The following PECR variants were observed in gnomAD, a reference collection of about 807,000 sequenced individuals.
PECR encodes the protein 2,4-dienoyl-CoA reductase-related protein.
Under a neutral mutation model 35.3 loss-of-function variants are expected in PECR, and 30 were observed. The ratio of observed to expected loss-of-function variants is 0.85; its 90% CI spans 0.64 to 1.15. The LOEUF is 1.15. Among genes scored for constraint, PECR ranks in the 50% most tolerant of loss-of-function variants. PECR has a pLI of 0.00. For synonymous variants in PECR, 148 were observed against 138.9 expected, an observed-to-expected ratio of 1.07 and a Z score of -0.46; for missense variants, 392 against 370.8, an observed-to-expected ratio of 1.06 and a Z score of -0.47.
At chr2:216,031,335 A>G (rs1559203722) in intron 7 of PECR, among the ~76,000 whole-genome samples, 1 of 152,060 alleles carries the variant, frequency 6.6e-6, no homozygotes, top group East Asian at 1.9e-4. Context: ...TCAAGCCAAG[A>G]GGCAGAGGTT....
At chr2:216,058,603 G>T (rs1228989158) in intron 4 of PECR, among the ~76,000 whole-genome samples, 1 of 151,986 alleles carries the variant, frequency 6.6e-6, no homozygotes, top group East Asian at 1.9e-4. Flanking sequence ...TAGTCACATC[G>T]GGATTAGAGT....
intron 1 of PECR, among the ~76,000 whole-genome samples, chr2:216,069,802 G>C (rs1025793877): frequency 6.6e-6 from 1 of 151,964 alleles, no homozygotes; most frequent in Non-Finnish European, 1.5e-5. Flanking sequence ...CAGGTGTGGT[G>C]GTGGGCGCCT....
Position 216,051,483 on chromosome 2 carries a change from G to A in PECR, c.569C>T (p.Ala190Val). Residue 190 changes from alanine to valine, a missense_variant, in exon 5 of 8, where the codon GCC (alanine) becomes GTC (valine). Transcript: ENST00000265322. Reference sequence around the variant, plus strand: ...ACAATTGATCCGTATTCCACTGCAGGCCCATTCCAAAGCTAAAGATTTGGT... The same window carrying A: ...ACAATTGATCCGTATTCCACTGCAGACCCATTCCAAAGCTAAAGATTTGGT... ...NLTKSLALEW[A>V]CSGIRINCVA... 1.2e-6 allele frequency: 2 copies of A among 1,611,776 alleles called. No homozygotes were observed. Among genetic ancestry groups the A allele is most frequent in the South Asian group, 1.1e-5 (1 of 91,036 alleles).
intron 4 of PECR, among the ~76,000 whole-genome samples, chr2:216,054,154 G>C (rs1279370226): frequency 6.6e-6 from 1 of 151,888 alleles, no homozygotes; most frequent in Non-Finnish European, 1.5e-5. Context: ...GGGCATGGTG[G>C]CAGGTGCCTG....
At position 216,031,463 on chromosome 2, in the gene PECR, GAA is replaced by G. The variant is rs1470757530; in HGVS notation, c.*440+7726_*440+7727del. Among the ~76,000 whole-genome samples, 1,173 of 123,542 alleles carry G rather than the reference GAA, an allele frequency of 9.5e-3. 9 individuals carry two copies. The highest frequency in any genetic ancestry group is 0.031 in the African/African-American group (1,027 of 32,842). 81.0% of individuals were successfully genotyped at this position (123,542 alleles called of 152,430 possible). On this transcript the variant is annotated intron_variant and NMD_transcript_variant, in intron 7 of 7. Transcript: ENST00000442122. ...AAAGAAAAAGAAAGAAAGAGAGAAA[GAA>G]AGAAAGAAAGAGAAAGAAAGAAAGA...
At chr2:216,079,574 T>G (rs1300838215) in intron 1 of PECR, among the ~76,000 whole-genome samples, 3 of 151,496 alleles carry the variant, frequency 2.0e-5, no homozygotes, top group Non-Finnish European at 4.4e-5. Context: ...CACCATGTTT[T>G]CCCAGGCTAG....
At chr2:216,039,691 T>A (rs1694854858) in intron 7 of PECR, among the ~76,000 whole-genome samples, 1 of 152,148 alleles carries the variant, frequency 6.6e-6, no homozygotes, top group Non-Finnish European at 1.5e-5. Flanking sequence ...ATAAATAGTG[T>A]CTCCTTAATA....
intron 4 of PECR, among the ~76,000 whole-genome samples, chr2:216,058,503 T>C (rs1160551917): frequency 6.6e-6 from 1 of 152,168 alleles, no homozygotes; most frequent in Non-Finnish European, 1.5e-5. Context: ...CAAGTAGCTA[T>C]ATTAATGGTA....
chr2:216,064,941 G>GT (rs1403706213), intron 3 of PECR, among the ~76,000 whole-genome samples: 1 of 152,124 alleles, frequency 6.6e-6, no homozygotes, highest in Non-Finnish European at 1.5e-5. Flanking sequence ...TACAGACTCT[G>GT]TCTCTGGTAT....
intron 4 of PECR, among the ~76,000 whole-genome samples, chr2:216,054,062 A>G (rs1208804309): frequency 6.6e-6 from 1 of 152,086 alleles, no homozygotes; most frequent in Non-Finnish European, 1.5e-5. Context: ...AGGCAGGTGG[A>G]TCACATGAGG....
At chr2:216,076,081 G>A (rs1408254764) in intron 1 of PECR, among the ~76,000 whole-genome samples, 2 of 152,186 alleles carry the variant, frequency 1.3e-5, no homozygotes, top group Admixed American at 6.5e-5. Context: ...GCTTTTGTGA[G>A]CTAAAGCTTT....
chr2:216,066,833 A>G (rs1012179393), intron 1 of PECR, among the ~76,000 whole-genome samples: 1 of 152,186 alleles, frequency 6.6e-6, no homozygotes, highest in Non-Finnish European at 1.5e-5. Context: ...GACTACAGGC[A>G]CAAGTCACTG....
chr2:216,080,745 A>G (rs905511001), intron 1 of PECR, among the ~76,000 whole-genome samples: 2 of 152,140 alleles, frequency 1.3e-5, no homozygotes, highest in African/African-American at 4.8e-5. Context: ...TTATTTTTTC[A>G]TATGTTTCTT....
chr2:216,081,680 G>C lies in PECR; in HGVS notation c.62C>G (p.Ala21Gly). 1.2e-6 allele frequency: 2 copies of C among 1,613,726 alleles called. No homozygotes were observed. Among genetic ancestry groups the C allele is most frequent in the Non-Finnish European group, 1.7e-6 (2 of 1,179,958 alleles). The change falls in exon 1 of 8, where the codon GCC becomes GGC. Residue 21 changes from alanine (A) to glycine (G), a missense_variant. Ala to Gly is a moderately conservative substitution (Grantham distance 60). Coordinates refer to ENST00000265322, the MANE Select transcript of PECR (RefSeq NM_018441.6). ...LAPGLLQGQVAIVTGGATGIG... is the reference protein window; with the variant it reads ...LAPGLLQGQVGIVTGGATGIG... ...GCCCGTGGCCCCGCCGGTGACGATG[G>C]CCACTTGGCCCTGCAGCAAACCAGG...
At chr2:216,046,354 A>G (rs1316993944) in intron 6 of PECR, among the ~76,000 whole-genome samples, 1 of 130,046 alleles carries the variant, frequency 7.7e-6, no homozygotes, top group Non-Finnish European at 1.6e-5. Context: ...ACTGTCACCC[A>G]GGCTGGAGTG....
At chr2:216,076,989 C>T (rs1020771293) in intron 1 of PECR, among the ~76,000 whole-genome samples, 1 of 133,940 alleles carries the variant, frequency 7.5e-6, no homozygotes, top group Admixed American at 7.6e-5. Context: ...GCAACCTCTG[C>T]CTCCCGGGTT....
At chr2:216,074,198 A>G (rs1448889748) in intron 1 of PECR, among the ~76,000 whole-genome samples, 3 of 152,128 alleles carry the variant, frequency 2.0e-5, no homozygotes, top group African/African-American at 7.2e-5. Context: ...TAATCCCAAC[A>G]CTTTGGGAGG....
In PECR at chr2:216,081,716, C is replaced by T. The variant is rs1559222764; in HGVS notation, c.26G>A (p.Ser9Asn). Residue 9 changes from serine (S) to asparagine (N), a missense_variant, in exon 1 of 8, where the codon AGC (serine) becomes AAC (asparagine). Transcript: ENST00000265322. The stretch of plus-strand genomic sequence containing the variant: ...CTGCAGCAAACCAGGCGCCAGGTAG[C>T]TCCTGCCCTTAGCCCAGGAGGCCAT... Reference protein sequence around the residue: MASWAKGRSYLAPGLLQGQ... With the variant: MASWAKGRNYLAPGLLQGQ... 1.2e-6 allele frequency: 2 copies of T among 1,613,510 alleles called. No homozygotes were observed. Among genetic ancestry groups the T allele is most frequent in the Non-Finnish European group, 1.7e-6 (2 of 1,179,936 alleles).
At chr2:216,078,577 A>G (rs1647769) in intron 1 of PECR, among the ~76,000 whole-genome samples, 47,049 of 149,554 alleles carry the variant, frequency 0.31, 8,083 homozygotes, top group East Asian at 0.53. Flanking sequence ...GACAGAGCGA[A>G]ACTCCATCTC....
Sources: allele counts gnomAD v4.1 joint callset (sites outside exome capture counted in the v4.1 genomes callset), GRCh38; gene constraint gnomAD v4.1.1; transcripts MANE v1.5; gene names NCBI Gene and HGNC (gene_info 2026-07-23, HGNC 2026-07-21).